CDKAL1: variants seen among roughly 807,000 people sequenced by gnomAD.
CDKAL1 encodes the protein CDKAL1 threonylcarbamoyladenosine tRNA methylthiotransferase, also known as threonylcarbamoyladenosine tRNA methylthiotransferase.
A neutral mutation model predicts 68.2 loss-of-function variants in CDKAL1; 32 were observed. The observed-to-expected ratio is 0.47, with a 90% CI of 0.35 to 0.63. The LOEUF (loss-of-function observed/expected upper bound fraction) is 0.63, where lower values mean the gene tolerates loss of function less well. Among genes scored for constraint, CDKAL1 ranks in the 30% least tolerant of loss-of-function variants. The probability of loss-of-function intolerance (pLI) is 0.00; values close to 1 mark genes in which losing one functional copy is unlikely to be tolerated. For synonymous variants in CDKAL1, 234 were observed against 244.3 expected (o/e 0.96, Z 0.39); for missense variants, 606 against 696.7 (o/e 0.87, Z 1.47).
chr6:20,903,335 G>T lies in CDKAL1; in HGVS notation c.743-52084G>T, dbSNP rs78570664. On this transcript the variant is annotated intron_variant, in intron 9 of 15. Coordinates refer to ENST00000274695, the MANE Select transcript of CDKAL1 (RefSeq NM_017774.3). The stretch of plus-strand genomic sequence containing the variant: ...CATCATTATTTGGAGATGTGTTCTT[G>T]AATAAAGTGCTGCTGGAATTGGTAA... Among the ~76,000 whole-genome samples the T allele has an allele frequency of 5.7e-3, 870 of 152,260 alleles. 13 individuals carry two copies. Among genetic ancestry groups the T allele is most frequent in the African/African-American group, 0.019 (808 of 41,550 alleles).
chr6:20,765,686 T>G (rs1342212896), intron 7 of CDKAL1, among the ~76,000 whole-genome samples: 1 of 152,210 alleles, frequency 6.6e-6, no homozygotes, highest in Non-Finnish European at 1.5e-5. Context: ...AATTTCTTTA[T>G]GGCCCCAAAC....
chr6:20,635,483 T>G (rs1767862771), intron 4 of CDKAL1, among the ~76,000 whole-genome samples: 1 of 114,038 alleles, frequency 8.8e-6, no homozygotes, highest in African/African-American at 4.6e-5. Flanking sequence ...TGTTTTTGAT[T>G]TTGGATTTTT....
At chr6:20,749,885 A>G (rs976672927) in intron 6 of CDKAL1, among the ~76,000 whole-genome samples, 3 of 150,600 alleles carry the variant, frequency 2.0e-5, no homozygotes, top group Non-Finnish European at 4.4e-5. Context: ...GTTTTTTTTT[A>G]AATAAAGACG....
intron 4 of CDKAL1, among the ~76,000 whole-genome samples, chr6:20,589,178 A>G (rs944241062): frequency 6.6e-6 from 1 of 152,186 alleles, no homozygotes; most frequent in African/African-American, 2.4e-5. Context: ...TTGAGGCTAG[A>G]TATCATTGAT....
chr6:20,833,900 G>C (rs1030528527), intron 8 of CDKAL1, among the ~76,000 whole-genome samples: 2 of 152,230 alleles, frequency 1.3e-5, no homozygotes, highest in East Asian at 3.9e-4. Context: ...AGTGGTTCTC[G>C]GCATGGTCCG....
intron 8 of CDKAL1, among the ~76,000 whole-genome samples, chr6:20,797,313 C>T (rs1268750344): frequency 1.3e-5 from 2 of 152,110 alleles, no homozygotes; most frequent in African/African-American, 2.4e-5. Context: ...CTCACCTATT[C>T]GACCAAGTAA....
At chr6:20,965,568 C>G (rs934753490) in intron 10 of CDKAL1, among the ~76,000 whole-genome samples, 2 of 152,114 alleles carry the variant, frequency 1.3e-5, no homozygotes, top group African/African-American at 4.8e-5. Context: ...ACTTGAAAAA[C>G]ATAAAAATTT....
At chr6:20,904,135 G>A (rs975154176) in intron 9 of CDKAL1, among the ~76,000 whole-genome samples, 2 of 152,172 alleles carry the variant, frequency 1.3e-5, no homozygotes, top group African/African-American at 4.8e-5. Flanking sequence ...TGCTGCTTTT[G>A]ATCAAGAGCT....
intron 15 of CDKAL1, among the ~76,000 whole-genome samples, chr6:21,205,611 A>G (rs941828014): frequency 2.6e-5 from 4 of 151,474 alleles, no homozygotes; most frequent in Non-Finnish European, 4.4e-5. Flanking sequence ...GCTCACTGTA[A>G]GCTCCGCCTC....
intron 13 of CDKAL1, among the ~76,000 whole-genome samples, chr6:21,161,840 G>C (rs1277573223): frequency 2.0e-5 from 3 of 152,110 alleles, no homozygotes; most frequent in African/African-American, 7.2e-5. Context: ...AAATCTCAAA[G>C]GGCTCATAAT....
At chr6:20,957,979 A>C (rs1764866086) in intron 10 of CDKAL1, among the ~76,000 whole-genome samples, 1 of 125,176 alleles carries the variant, frequency 8.0e-6, no homozygotes, top group African/African-American at 4.1e-5. Flanking sequence ...AAAAAAAAAA[A>C]AAAAAAAAAA....
intron 13 of CDKAL1, chr6:21,135,837 A>G (rs1357746746): frequency 4.5e-6 from 1 of 219,948 alleles, no homozygotes; most frequent in African/African-American, 2.3e-5. Context: ...GGGGGGAGGC[A>G]TGAACAGATG....
intron 6 of CDKAL1, among the ~76,000 whole-genome samples, chr6:20,749,611 G>A (rs375583456): frequency 1.3e-5 from 2 of 150,990 alleles, no homozygotes; most frequent in Non-Finnish European, 2.9e-5. Context: ...GCAGTGGCAC[G>A]ATCTCGGCTC....
At chr6:20,968,015 G>A (rs533744174) in intron 10 of CDKAL1, among the ~76,000 whole-genome samples, 57 of 152,116 alleles carry the variant, frequency 3.7e-4, no homozygotes, top group Non-Finnish European at 6.8e-4. Flanking sequence ...ATCTCTTGCT[G>A]CTGTCAGGAT....
intron 15 of CDKAL1, among the ~76,000 whole-genome samples, chr6:21,224,211 T>G (rs1201231445): frequency 6.6e-6 from 1 of 152,174 alleles, no homozygotes; most frequent in African/African-American, 2.4e-5. Context: ...GCAGATGTGA[T>G]TAAGATAAGG....
intron 10 of CDKAL1, among the ~76,000 whole-genome samples, chr6:20,967,369 T>G (rs973439906): frequency 3.3e-5 from 5 of 152,178 alleles, no homozygotes; most frequent in African/African-American, 1.2e-4. Context: ...CTTTGTTGTT[T>G]CTTTTACTAT....
At chr6:20,644,750 G>A (rs1053390391) in intron 4 of CDKAL1, among the ~76,000 whole-genome samples, 6 of 152,292 alleles carry the variant, frequency 3.9e-5, no homozygotes, top group African/African-American at 1.2e-4. Context: ...GGGTGGGGGG[G>A]TTCCTAAAAG....
intron 12 of CDKAL1, among the ~76,000 whole-genome samples, chr6:21,094,618 T>C (rs529792371): frequency 1.6e-4 from 24 of 152,204 alleles, no homozygotes; most frequent in African/African-American, 5.1e-4. Context: ...TCCTCTACAA[T>C]AAATAGAAAG....
At chr6:21,153,353 C>A (rs1227700918) in intron 13 of CDKAL1, among the ~76,000 whole-genome samples, 1 of 151,060 alleles carries the variant, frequency 6.6e-6, no homozygotes, top group African/African-American at 2.4e-5. Flanking sequence ...AACCTAATGC[C>A]ATTTGAATTT....
Sources: gnomAD v4.1 joint callset for allele counts (sites outside exome capture counted in the v4.1 genomes callset) on GRCh38, gnomAD v4.1.1 for gene constraint, MANE v1.5 for transcripts, NCBI Gene and HGNC (gene_info 2026-07-23, HGNC 2026-07-21) for gene names.